Variants in PRR13 observed in about 807,000 individuals in gnomAD.
The protein encoded by PRR13 is proline-rich protein 13.
A neutral mutation model predicts 11.5 loss-of-function variants in PRR13; 7 were observed. The ratio of observed to expected loss-of-function variants is 0.61; its 90% CI spans 0.34 to 1.14. PRR13 has a LOEUF of 1.14. PRR13 is among the 50% of genes most tolerant of loss of function. The pLI is 0.03. For synonymous variants in PRR13, 53 were observed against 67.8 expected (o/e 0.78, Z 1.07); for missense variants, 155 against 194.4 (o/e 0.80, Z 1.21).
At chr12:53,444,757 G>A (rs532291662) in intron 3 of PRR13, among the ~76,000 whole-genome samples, 116 of 152,284 alleles carry the variant, frequency 7.6e-4, no homozygotes, top group East Asian at 5.0e-3. Context: ...TATTAGCTGG[G>A]TGTGGTGGCG....
At chr12:53,444,474 C>T (rs1051405854) in intron 3 of PRR13, among the ~76,000 whole-genome samples, 5 of 152,126 alleles carry the variant, frequency 3.3e-5, no homozygotes, top group South Asian at 4.2e-4. Context: ...GGACTACAGG[C>T]GCCCGCCACC....
chr12:53,443,443 C>T lies in PRR13; in HGVS notation c.72C>T (p.Ser24=). 3.5e-6 allele frequency: 5 copies of T among 1,442,006 alleles called. No homozygotes were observed. Among genetic ancestry groups the T allele is most frequent in the Non-Finnish European group, 4.6e-6 (5 of 1,093,440 alleles). 89.3% of individuals were successfully genotyped at this position (1,442,006 alleles called of 1,614,324 possible). ...CCAATATTGGGTGCCCTGGAGGTTC[C>T]AATCCTGCCCACCCACCACCTATTA... The part of the protein sequence containing the change: ...YPPNIGCPGG[S]NPAHPPPINP... Residue 24 remains serine, a synonymous_variant, in exon 3 of 4, where the codon TCC becomes TCT. Transcript: ENST00000429243.
intron 1 of PRR13, 46 bp from the exon 2 acceptor site, chr12:53,442,649 C>T: frequency 6.5e-7 from 1 of 1,534,172 alleles, no homozygotes; most frequent in Non-Finnish European, 9.0e-7. Context: ...AGTCCACTTC[C>T]TACCTCTAGA....
intron 2 of PRR13, 116 bp from the exon 3 acceptor site, chr12:53,443,275 T>C: frequency 5.2e-6 from 6 of 1,143,350 alleles, no homozygotes; most frequent in Non-Finnish European, 5.8e-6. Context: ...CCATTCTTCT[T>C]TGTCATCTTT....
intron 3 of PRR13, 192 bp downstream of exon 3, chr12:53,443,965 A>G: frequency 1.3e-6 from 1 of 762,150 alleles, no homozygotes; most frequent in South Asian, 2.2e-5. Context: ...AATAAACATC[A>G]GGCTTCTCCT....
rs879176915 is a variant in PRR13 at position 53,446,163 on chromosome 12, C to A, written c.*104C>A. On this transcript the variant is annotated 3_prime_UTR_variant, in exon 4 of 4. Coordinates refer to ENST00000429243, the MANE Select transcript of PRR13 (RefSeq NM_018457.4). ...GGAATGTAGCCCTTGTGCTCCCCAC[C>A]CCCTACCTCCACCTGAGCCTCACCC... is the stretch of plus-strand genomic sequence containing the variant. 154 of 1,567,444 alleles carry A rather than the reference C, an allele frequency of 9.8e-5. No homozygotes were observed. The highest frequency in any genetic ancestry group is 1.3e-4 in the Non-Finnish European group (145 of 1,157,150).
At chr12:53,442,083 A>C in intron 1 of PRR13, 1 of 485,478 alleles carries the variant, frequency 2.1e-6, no homozygotes, top group Non-Finnish European at 3.6e-6. Flanking sequence ...AGTTCCAGGG[A>C]AAGGGAGATG....
chr12:53,446,394 G>T lies in PRR13; in HGVS notation c.*335G>T. ...ACTTATAATACTTGTGATTGGGGAGGTTTGTGGAAATTCAATTATGATGAA... is the reference window on the plus strand; with the variant it reads ...ACTTATAATACTTGTGATTGGGGAGTTTTGTGGAAATTCAATTATGATGAA... On this transcript the variant is annotated 3_prime_UTR_variant, in exon 4 of 4. Coordinates refer to ENST00000429243, the MANE Select transcript of PRR13 (RefSeq NM_018457.4). The T allele has an allele frequency of 4.0e-6, 1 of 246,954 alleles. No individual in the cohort carries two copies. The highest frequency in any genetic ancestry group is 5.5e-5 in the Admixed American group (1 of 18,276). 15.3% of individuals were successfully genotyped at this position (246,954 alleles called of 1,614,324 possible).
Position 53,443,653 on chromosome 12 carries a change from G to T in PRR13, c.282G>T (p.Leu94Phe). The part of the protein sequence containing the change: ...PAPGIPPVNP[L>F]APGMVGPAVI... ...CTGGAATCCCTCCTGTGAATCCCTT[G>T]GCTCCTGGCATGGTTGGACCAGCAG... is the stretch of plus-strand genomic sequence containing the variant. The change falls in exon 3 of 4, where the codon TTG becomes TTT. Residue 94 changes from leucine to phenylalanine, a missense_variant. Transcript: ENST00000429243. 6.2e-7 allele frequency: 1 copy of T among 1,614,138 alleles called. No individual in the cohort carries two copies. Among genetic ancestry groups the T allele is most frequent in the Non-Finnish European group, 8.5e-7 (1 of 1,180,036 alleles).
intron 3 of PRR13, among the ~76,000 whole-genome samples, chr12:53,445,235 C>G (rs1940378116): frequency 6.6e-6 from 1 of 151,560 alleles, no homozygotes; most frequent in Admixed American, 6.6e-5. Context: ...GTAATCCCAG[C>G]TACTCTGGAG....
intron 3 of PRR13, 117 bp from the exon 4 acceptor site, chr12:53,445,897 AG>A: frequency 6.7e-7 from 1 of 1,481,586 alleles, no homozygotes; most frequent in Non-Finnish European, 9.4e-7. Flanking sequence ...TGACCTTCTT[AG>A]GGAAGCAAGG....
chr12:53,445,154 A>T (rs1163662710), intron 3 of PRR13, among the ~76,000 whole-genome samples: 1 of 152,038 alleles, frequency 6.6e-6, no homozygotes, highest in African/African-American at 2.4e-5. Flanking sequence ...GTTCAAGACC[A>T]GCCTAGCCAA....
chr12:53,446,005 C>A lies in PRR13; in HGVS notation c.403-10C>A. ...CTATCTTCTTTCCCCTTTCCCCTTTCCCCTTGCAGCATTCCTCCTCTTCCT... is the reference window on the plus strand; with the variant it reads ...CTATCTTCTTTCCCCTTTCCCCTTTACCCTTGCAGCATTCCTCCTCTTCCT... On this transcript the variant is annotated splice_polypyrimidine_tract_variant and intron_variant, in intron 3 of 3. Transcript: ENST00000429243. 6.2e-7 allele frequency: 1 copy of A among 1,610,514 alleles called. No individual in the cohort carries two copies. The highest frequency in any genetic ancestry group is 8.5e-7 in the Non-Finnish European group (1 of 1,178,604).
chr12:53,443,887 G>A (rs1940347919), intron 3 of PRR13, 114 bp downstream of exon 3: 6 of 1,221,394 alleles, frequency 4.9e-6, no homozygotes, highest in East Asian at 5.1e-5. Context: ...TGACAATTGT[G>A]TCGCTCTGGT....
At chr12:53,442,486 AC>A (rs1207118384) in intron 1 of PRR13, 2 of 460,394 alleles carry the variant, frequency 4.3e-6, no homozygotes, top group Non-Finnish European at 7.9e-6. Context: ...CTCGTGATCC[AC>A]CCGCCTCGGC....
At chr12:53,444,166 CAGA>C in intron 3 of PRR13, 1 of 299,662 alleles carries the variant, frequency 3.3e-6, no homozygotes, top group South Asian at 1.2e-4. Flanking sequence ...TAATAATTAA[CAGA>C]ATTAATCTGT....
chr12:53,444,618 T>C lies in PRR13; in HGVS notation c.402+845T>C, dbSNP rs564712987. Among the ~76,000 whole-genome samples the C allele has an allele frequency of 2.6e-4, 39 of 152,320 alleles. 1 individual carries two copies. The highest frequency in any genetic ancestry group is 7.9e-4 in the African/African-American group (33 of 41,592). On this transcript the variant is annotated intron_variant, in intron 3 of 3. Transcript: ENST00000429243. Reference sequence around the variant, plus strand: ...TGCTGGGATTACAGGCGTGAGCCACTGCACCCAGCCCTAAGGAGGTTTTAT... The same window carrying C: ...TGCTGGGATTACAGGCGTGAGCCACCGCACCCAGCCCTAAGGAGGTTTTAT...
rs1457118543 is a variant in PRR13 at position 53,441,774 on chromosome 12, C to G, written c.-39C>G. 3 of 702,100 alleles carry G rather than the reference C, an allele frequency of 4.3e-6. No individual in the cohort carries two copies. The highest frequency in any genetic ancestry group is 7.8e-6 in the Non-Finnish European group (3 of 384,788). The allele number at this position is 702,100 out of a possible 1,614,324, so 43.5% of individuals were successfully genotyped here. On this transcript the variant is annotated 5_prime_UTR_variant, in exon 1 of 4. Transcript: ENST00000429243. Reference sequence around the variant, plus strand: ...AGACTGCGAAGGAGAACGCAGCAAGCCCAGGCGGCGGTGGAAAGGTGATGG... The same window carrying G: ...AGACTGCGAAGGAGAACGCAGCAAGGCCAGGCGGCGGTGGAAAGGTGATGG...
rs2136993047 is a variant in PRR13 at position 53,446,273 on chromosome 12, T to C, written c.*214T>C. 2.9e-6 allele frequency: 2 copies of C among 694,498 alleles called. No homozygotes were observed. The highest frequency in any genetic ancestry group is 4.4e-6 in the Non-Finnish European group (2 of 455,884). The allele number at this position is 694,498 out of a possible 1,614,324, so 43.0% of individuals were successfully genotyped here. A position where few individuals can be genotyped will look rare whatever the true frequency, so the allele number is the denominator to read the frequency against. On this transcript the variant is annotated 3_prime_UTR_variant, in exon 4 of 4. Coordinates refer to ENST00000429243, the MANE Select transcript of PRR13 (RefSeq NM_018457.4). ...CTTGTTGCTGCTTGGTTAGATCATATAGCTAATGAATTAGGCAGGGGAGCT... is the reference window on the plus strand; with the variant it reads ...CTTGTTGCTGCTTGGTTAGATCATACAGCTAATGAATTAGGCAGGGGAGCT...
Sources: allele counts gnomAD v4.1 joint callset (sites outside exome capture counted in the v4.1 genomes callset), GRCh38; gene constraint gnomAD v4.1.1; transcripts MANE v1.5; gene names NCBI Gene and HGNC (gene_info 2026-07-23, HGNC 2026-07-21).